Variants in CACNA1C observed in about 807,000 individuals in gnomAD.
CACNA1C encodes calcium voltage-gated channel subunit alpha1 C, also known as voltage-dependent L-type calcium channel subunit alpha-1C.
Under a neutral mutation model 229.0 loss-of-function variants are expected in CACNA1C, and 30 were observed. The ratio of observed to expected loss-of-function variants is 0.13; its 90% CI spans 0.10 to 0.18. CACNA1C has a LOEUF of 0.18. Ranked by LOEUF, CACNA1C falls within the 10% of genes least tolerant of loss-of-function variation. The probability of loss-of-function intolerance (pLI) is 1.00; values close to 1 mark genes in which losing one functional copy is unlikely to be tolerated. For synonymous variants in CACNA1C, 1,114 were observed against 1,132.5 expected (o/e 0.98, Z 0.33); for missense variants, 1,658 against 2,845.0 (o/e 0.58, Z 9.49).
chr12:2,324,529 G>A (rs1244790455), intron 3 of CACNA1C, among the ~76,000 whole-genome samples: 3 of 152,188 alleles, frequency 2.0e-5, no homozygotes, highest in East Asian at 1.9e-4. Context: ...GCTTGCACTC[G>A]GAGCTGCCCG....
chr12:2,683,766 G>C (rs4765971), intron 43 of CACNA1C, among the ~76,000 whole-genome samples: 30,927 of 152,178 alleles, frequency 0.2, 7,011 homozygotes, highest in African/African-American at 0.56. Context: ...AAGAACCTGG[G>C]ATGCTGGGGG....
chr12:2,048,399 C>G (rs1035703313), upstream of CACNA1C: 3 of 152,150 alleles, frequency 2.0e-5, no homozygotes, highest in Admixed American at 1.3e-4. Flanking sequence ...TCAACTTTAC[C>G]TGGTTTGAAA....
At chr12:2,616,241 C>T (rs1411360873) in intron 29 of CACNA1C, among the ~76,000 whole-genome samples, 1 of 152,216 alleles carries the variant, frequency 6.6e-6, no homozygotes, top group Non-Finnish European at 1.5e-5. Context: ...GAGGCCTGGC[C>T]CCTTTCCCAC....
chr12:2,514,632 C>G (rs1247017900), intron 9 of CACNA1C, among the ~76,000 whole-genome samples: 1 of 152,168 alleles, frequency 6.6e-6, no homozygotes. Flanking sequence ...TGTATGCTGG[C>G]TCCTGGCTCC....
rs2069225314 is a variant in CACNA1C, at chr12:2,597,860, C to T, written c.2853+571C>T. Among the ~76,000 whole-genome samples the T allele has an allele frequency of 6.6e-6, 1 of 152,212 alleles. No individual in the cohort carries two copies. The highest frequency in any genetic ancestry group is 1.5e-5 in the Non-Finnish European group (1 of 68,030). Reference sequence around the variant, plus strand: ...AGCTCCGGTTAACTGATACCTGAGCCCACGTAGGACTCTCCTTCCCTCCTC... The same window carrying T: ...AGCTCCGGTTAACTGATACCTGAGCTCACGTAGGACTCTCCTTCCCTCCTC... On this transcript the variant is annotated intron_variant, in intron 21 of 46. Coordinates refer to ENST00000399655, the MANE Select transcript of CACNA1C (RefSeq NM_000719.7). The surrounding 1 kb of genome is among the most constrained non-coding windows in gnomAD (Gnocchi z 4.3).
intron 1 of CACNA1C, among the ~76,000 whole-genome samples, chr12:1,972,017 C>T (rs1229278594): frequency 6.6e-6 from 1 of 152,182 alleles, no homozygotes; most frequent in Non-Finnish European, 1.5e-5. Context: ...TTTAAATAGG[C>T]AGGACATCTG....
intron 1 of CACNA1C, among the ~76,000 whole-genome samples, chr12:2,098,544 A>G (rs965682080): frequency 5.8e-4 from 88 of 152,340 alleles, no homozygotes; most frequent in African/African-American, 2.1e-3. Flanking sequence ...GAAGAATTTC[A>G]GAGCCTTTTA....
intron 3 of CACNA1C, among the ~76,000 whole-genome samples, chr12:2,213,979 G>A (rs55961529): frequency 0.45 from 67,598 of 151,754 alleles, 15,868 homozygotes; most frequent in African/African-American, 0.6. Context: ...CGCGAGTTTG[G>A]GAGAGGAGAT....
intron 9 of CACNA1C, among the ~76,000 whole-genome samples, chr12:2,548,504 C>T (rs886550239): frequency 6.6e-6 from 1 of 152,178 alleles, no homozygotes; most frequent in Non-Finnish European, 1.5e-5. Flanking sequence ...TCCTCTCCTG[C>T]GGAGTGAGGA....
At chr12:2,179,864 G>A (rs1205247234) in intron 3 of CACNA1C, among the ~76,000 whole-genome samples, 1 of 152,184 alleles carries the variant, frequency 6.6e-6, no homozygotes. Context: ...TGTACACACC[G>A]TTGCTAGATT....
chr12:2,201,268 G>A (rs1013443643), intron 3 of CACNA1C, among the ~76,000 whole-genome samples: 5 of 152,168 alleles, frequency 3.3e-5, no homozygotes, highest in African/African-American at 9.7e-5. Flanking sequence ...CAACTTAGCC[G>A]CAGTTGGAGA....
chr12:2,497,969 T>TCACACACACACACACACACACACACACA lies in CACNA1C; in HGVS notation c.1113+4590_1113+4617dup, dbSNP rs3058710. On this transcript the variant is annotated intron_variant, in intron 7 of 46. Transcript: ENST00000399655. ...TGCGGAGAAGGTATTTCTATTAAAT[T>TCACACACACACACACACACACACACACA]CACACACACACACACACACACACAC... 7.6e-5 allele frequency among the ~76,000 whole-genome samples: 11 copies of TCACACACACACACACACACACACACACA among 144,018 alleles called. No homozygotes were observed. The East Asian group carries it at 1.7e-3, about 22-fold the overall frequency. 94.5% of individuals were successfully genotyped at this position (144,018 alleles called of 152,430 possible). A position where few individuals can be genotyped will look rare whatever the true frequency, so the allele number is the denominator to read the frequency against.
intron 3 of CACNA1C, among the ~76,000 whole-genome samples, chr12:2,126,536 T>G (rs2090134914): frequency 6.6e-6 from 1 of 152,230 alleles, no homozygotes; most frequent in African/African-American, 2.4e-5. Flanking sequence ...GCATTTGACC[T>G]TGTGCAAAGA....
intron 3 of CACNA1C, among the ~76,000 whole-genome samples, chr12:2,423,045 G>T (rs1224716847): frequency 6.6e-6 from 1 of 152,144 alleles, no homozygotes; most frequent in East Asian, 1.9e-4. Flanking sequence ...TTGGAAGGGA[G>T]CTCCGATGTC....
intron 3 of CACNA1C, among the ~76,000 whole-genome samples, chr12:2,226,824 CAGG>C (rs2063146376): frequency 6.6e-6 from 1 of 152,224 alleles, no homozygotes; most frequent in South Asian, 2.1e-4. Context: ...ATTCTTTCGG[CAGG>C]AGAAGGGCTC....
intron 1 of CACNA1C, among the ~76,000 whole-genome samples, chr12:2,109,738 G>A (rs2080884521): frequency 6.6e-6 from 1 of 152,200 alleles, no homozygotes; most frequent in African/African-American, 2.4e-5. Context: ...GGTCAGGGTG[G>A]CTACTGCAGC....
At chr12:2,224,378 G>A (rs965425746) in intron 3 of CACNA1C, among the ~76,000 whole-genome samples, 7 of 152,292 alleles carry the variant, frequency 4.6e-5, no homozygotes, top group South Asian at 2.1e-4. Flanking sequence ...TCCCCCTGGC[G>A]GAGCCTCTGA....
intron 3 of CACNA1C, among the ~76,000 whole-genome samples, chr12:2,195,223 C>T (rs533552319): frequency 1.3e-5 from 2 of 152,282 alleles, no homozygotes; most frequent in Admixed American, 6.5e-5. Context: ...TTTAGTGTCC[C>T]AAAGCCTCAG....
chr12:2,519,268 T>C (rs1481049875), intron 9 of CACNA1C, among the ~76,000 whole-genome samples: 1 of 152,240 alleles, frequency 6.6e-6, no homozygotes, highest in Non-Finnish European at 1.5e-5. Context: ...AGCATGGGAA[T>C]GTCATGGCAC....
Sources: allele counts gnomAD v4.1 joint callset (sites outside exome capture counted in the v4.1 genomes callset), GRCh38; gene constraint gnomAD v4.1.1; non-coding constraint Gnocchi (gnomAD v3.1); transcripts MANE v1.5; gene names NCBI Gene and HGNC (gene_info 2026-07-23, HGNC 2026-07-21).